Variants in TRIM64C observed in about 807,000 individuals in gnomAD.
TRIM64C encodes the protein tripartite motif containing 64C, also known as tripartite motif-containing protein 64C.
Under a neutral mutation model 36.1 loss-of-function variants are expected in TRIM64C, and 25 were observed. That is an observed-to-expected ratio of 0.69 (90% CI 0.51 to 0.97). The LOEUF (loss-of-function observed/expected upper bound fraction) is 0.97. Among genes scored for constraint, TRIM64C ranks in the 50% least tolerant of loss-of-function variants. The pLI is 0.00. For synonymous variants in TRIM64C, 212 were observed against 185.7 expected (o/e 1.14, Z -1.15); for missense variants, 489 against 536.8 (o/e 0.91, Z 0.88).
Position 49,053,899 on chromosome 11 carries a change from A to G in TRIM64C, c.1168T>C (p.Ser390Pro). The change falls in exon 6 of 6, where the codon TCC (serine) becomes CCC (proline). Residue 390 changes from serine to proline, a missense_variant. By Grantham distance (74) the Ser-to-Pro change is moderately conservative. Transcript: ENST00000617704. ...SSKTSNHYSL[S>P]TNSPPLIQYV... Reference sequence around the variant, plus strand: ...TGGATTAAAGGTGGAGAATTGGTGGAGAGACTATAGTGATTGCTCGTCTTT... The same window carrying G: ...TGGATTAAAGGTGGAGAATTGGTGGGGAGACTATAGTGATTGCTCGTCTTT... 6.4e-7 allele frequency: 1 copy of G among 1,551,736 alleles called. No individual in the cohort carries two copies. The highest frequency in any genetic ancestry group is 8.7e-7 in the Non-Finnish European group (1 of 1,146,868).
At chr11:49,058,215 G>C (rs1028221608) in intron 1 of TRIM64C, 43 bp from the exon 2 acceptor site, 1 of 1,260,704 alleles carries the variant, frequency 7.9e-7, no homozygotes, top group African/African-American at 1.5e-5. Flanking sequence ...GAAGACAGTA[G>C]ATCTTATCCC....
intron 3 of TRIM64C, among the ~76,000 whole-genome samples, chr11:49,056,821 G>T (rs781710102): frequency 1.3e-5 from 2 of 151,924 alleles, no homozygotes; most frequent in Non-Finnish European, 2.9e-5. Flanking sequence ...ACATCAGAGA[G>T]TGAGGAGGAA....
chr11:49,055,933 A>G (rs982153126), intron 4 of TRIM64C, among the ~76,000 whole-genome samples: 1 of 152,020 alleles, frequency 6.6e-6, no homozygotes, highest in African/African-American at 2.4e-5. Context: ...GTGTATGGTG[A>G]TGGAGCAAGC....
intron 5 of TRIM64C, 132 bp from the exon 6 acceptor site, chr11:49,054,339 C>A (rs1854788630): frequency 3.0e-6 from 3 of 984,300 alleles, no homozygotes; most frequent in Non-Finnish European, 4.4e-6. Flanking sequence ...CAGCCCCATG[C>A]ATCCATGAAG....
chr11:49,054,599 T>A lies in TRIM64C; in HGVS notation c.860-392A>T, dbSNP rs2204669. Among the ~76,000 whole-genome samples, 1,220 of 152,346 alleles carry A rather than the reference T, an allele frequency of 8.0e-3. 25 individuals carry two copies. The highest frequency in any genetic ancestry group is 0.028 in the African/African-American group (1,184 of 41,588). ...TGAGTATTTATTGGAATGTAAGTTA[T>A]GCCTGTTATAGTCTCAAACATCAAA... On this transcript the variant is annotated intron_variant, in intron 5 of 5. Transcript: ENST00000617704.
intron 3 of TRIM64C, 92 bp downstream of exon 3, chr11:49,057,056 G>C: frequency 1.4e-6 from 2 of 1,452,192 alleles, no homozygotes; most frequent in African/African-American, 2.8e-5. Flanking sequence ...ACTTAGCTTA[G>C]AGCAGTGACA....
chr11:49,054,066 T>C lies in TRIM64C; in HGVS notation c.1001A>G (p.Gln334Arg), dbSNP rs186998414. The change falls in exon 6 of 6, where the codon CAA (glutamine) becomes CGA (arginine). Residue 334 changes from glutamine to arginine, a missense_variant. Transcript: ENST00000617704. ...GTAATGCTTGCCGGAGGTGAATGCT[T>C]GCGCACACCACACAGCAAAGCTCTC... ...GVESFAVWCA[Q>R]AFTSGKHYWE... is the part of the protein sequence containing the mutation. 1.3e-6 allele frequency: 2 copies of C among 1,551,458 alleles called. No individual in the cohort carries two copies. The highest frequency in any genetic ancestry group is 2.4e-5 in the East Asian group (1 of 40,942).
intron 5 of TRIM64C, among the ~76,000 whole-genome samples, chr11:49,054,554 G>T (rs985064338): frequency 6.6e-6 from 1 of 152,140 alleles, no homozygotes; most frequent in Non-Finnish European, 1.5e-5. Flanking sequence ...TCAACAGGTA[G>T]ACATCAATTT....
At position 49,058,934 on chromosome 11, in the gene TRIM64C, T is replaced by A; in HGVS notation, c.179A>T (p.Glu60Val). 1 of 1,551,304 alleles carries A rather than the reference T, an allele frequency of 6.4e-7. No individual in the cohort carries two copies. The highest frequency in any genetic ancestry group is 8.7e-7 in the Non-Finnish European group (1 of 1,146,916). ...MRCPLCRKIS[E>V]KPNFNTNVAL... Reference sequence around the variant, plus strand: ...CACATTGGTGTTGAAGTTGGGCTTCTCTGAGATTTTTCTGCACAAAGGGCA... The same window carrying A: ...CACATTGGTGTTGAAGTTGGGCTTCACTGAGATTTTTCTGCACAAAGGGCA... Residue 60 changes from glutamate to valine, a missense_variant, in exon 1 of 6, where the codon GAG (glutamate) becomes GTG (valine). Physicochemically the swap from Glu to Val is moderately radical, Grantham distance 121. Coordinates refer to ENST00000617704, the MANE Select transcript of TRIM64C (RefSeq NM_001206631.1).
intron 2 of TRIM64C, chr11:49,057,685 A>G (rs1854829375): frequency 2.1e-6 from 1 of 468,512 alleles, no homozygotes. Flanking sequence ...TAATTTGCCT[A>G]AATGTTAAAA....
In TRIM64C at chr11:49,059,058, C is replaced by T. The variant is rs564699364; in HGVS notation, c.55G>A (p.Val19Met). The T allele has an allele frequency of 5.5e-4, 857 of 1,552,022 alleles. 32 individuals are homozygous for T. In the African/African-American group the frequency reaches 0.01, roughly 19 times the overall value. The change falls in exon 1 of 6, where the codon GTG becomes ATG. Residue 19 changes from valine to methionine, a missense_variant. Val to Met is a conservative substitution (Grantham distance 21). Coordinates refer to ENST00000617704, the MANE Select transcript of TRIM64C (RefSeq NM_001206631.1). ...FQNELICCIC[V>M]NYFIDPVTTD... ...GTGACCGGGTCTATGAAGTAGTTCA[C>T]GCAAATGCAGCAAATGAGCTCATTC...
chr11:49,056,055 G>T (rs1343489708), intron 4 of TRIM64C, among the ~76,000 whole-genome samples: 3 of 150,686 alleles, frequency 2.0e-5, no homozygotes, highest in Non-Finnish European at 4.4e-5. Flanking sequence ...CTCTAGAGTA[G>T]AAGACACCTC....
At chr11:49,055,444 A>G (rs1854802382) in intron 4 of TRIM64C, 37 bp from the exon 5 acceptor site, 2 of 1,533,994 alleles carry the variant, frequency 1.3e-6, no homozygotes, top group Non-Finnish European at 1.7e-6. Context: ...TATTTCCAGG[A>G]CCAGAGCTAA....
rs1854777691 is a variant in TRIM64C, at chr11:49,053,866, G to A, written c.1201C>T (p.Gln401Ter). 2 of 1,551,636 alleles carry A rather than the reference G, an allele frequency of 1.3e-6. No individual in the cohort carries two copies. The highest frequency in any genetic ancestry group is 2.7e-5 in the African/African-American group (2 of 73,030). The change falls in exon 6 of 6, where the codon CAA becomes TAA. Residue 401 changes from glutamine to a stop codon, truncating the protein, a stop_gained. Transcript: ENST00000617704. LOFTEE classifies it low-confidence loss of function (END_TRUNC). ...TNSPPLIQYVQRPLGWVGVFL... is the reference protein window; with the variant it reads ...TNSPPLIQYV Reference sequence around the variant, plus strand: ...ACCCCAACCCAACCCAGAGGCCTTTGCACATACTGGATTAAAGGTGGAGAA... The same window carrying A: ...ACCCCAACCCAACCCAGAGGCCTTTACACATACTGGATTAAAGGTGGAGAA...
Position 49,056,274 on chromosome 11 carries a change from T to A in TRIM64C, c.761+85A>T, listed in dbSNP as rs1428762388. 9 of 1,021,890 alleles carry A rather than the reference T, an allele frequency of 8.8e-6. No individual in the cohort carries two copies. The East Asian group carries it at 2.1e-4, about 24-fold the overall frequency. 63.3% of individuals were successfully genotyped at this position (1,021,890 alleles called of 1,614,324 possible). A position where few individuals can be genotyped will look rare whatever the true frequency, so the allele number is the denominator to read the frequency against. On this transcript the variant is annotated intron_variant, in intron 4 of 5. Coordinates refer to ENST00000617704, the MANE Select transcript of TRIM64C (RefSeq NM_001206631.1). ...AATCAGAAATAGCCACTGAGAATGA[T>A]GTTAGTACTCAAAATGTATACATCC...
In TRIM64C at chr11:49,058,828, A is replaced by T. The variant is rs1167075323; in HGVS notation, c.285T>A (p.His95Gln). The T allele has an allele frequency of 1.3e-6, 2 of 1,549,330 alleles. No individual in the cohort carries two copies. The highest frequency in any genetic ancestry group is 1.7e-6 in the Non-Finnish European group (2 of 1,146,856). The change falls in exon 1 of 6, where the codon CAT (histidine) becomes CAA (glutamine). Residue 95 changes from histidine (H) to glutamine (Q), a missense_variant. His to Gln is a conservative substitution (Grantham distance 24, BLOSUM62 0). Coordinates refer to ENST00000617704, the MANE Select transcript of TRIM64C (RefSeq NM_001206631.1). ...CACAGAAGAGCTCCTTAGTCTCCTC[A>T]TGGAGCACACAGATATTGTCTGAGC... ...INSSDNICVLHEETKELFCEA... is the reference protein window; with the variant it reads ...INSSDNICVLQEETKELFCEA...
In TRIM64C at chr11:49,054,052, C is replaced by T. The variant is rs1007235873; in HGVS notation, c.1015G>A (p.Gly339Ser). Residue 339 changes from glycine (G) to serine (S), a missense_variant, in exon 6 of 6, where the codon GGC (glycine) becomes AGC (serine). Coordinates refer to ENST00000617704, the MANE Select transcript of TRIM64C (RefSeq NM_001206631.1). The stretch of plus-strand genomic sequence containing the variant: ...ACATCCACTTCCCAGTAATGCTTGC[C>T]GGAGGTGAATGCTTGCGCACACCAC... Reference protein sequence around the residue: ...AVWCAQAFTSGKHYWEVDVTH... With the variant: ...AVWCAQAFTSSKHYWEVDVTH... 8.4e-5 allele frequency: 131 copies of T among 1,551,534 alleles called. No homozygotes were observed. The highest frequency in any genetic ancestry group is 1.1e-4 in the Non-Finnish European group (124 of 1,146,830).
rs1854852328 is a variant in TRIM64C at position 49,059,069 on chromosome 11, C to CA, written c.43dup (p.Cys15LeufsTer15). 6.4e-7 allele frequency: 1 copy of CA among 1,550,870 alleles called. No individual in the cohort carries two copies. Among genetic ancestry groups the CA allele is most frequent in the Non-Finnish European group, 8.7e-7 (1 of 1,147,266 alleles). On this transcript the variant is annotated frameshift_variant, in exon 1 of 6. Coordinates refer to ENST00000617704, the MANE Select transcript of TRIM64C (RefSeq NM_001206631.1). LOFTEE classifies it high-confidence loss of function. Reference sequence around the variant, plus strand: ...TATGAAGTAGTTCACGCAAATGCAGCAAATGAGCTCATTCTGGAAGACTCG... The same window carrying CA: ...TATGAAGTAGTTCACGCAAATGCAGCAAAATGAGCTCATTCTGGAAGACTCG...
Position 49,054,087 on chromosome 11 carries a change from C to T in TRIM64C, c.980G>A (p.Ser327Asn). 1 of 1,551,608 alleles carries T rather than the reference C, an allele frequency of 6.4e-7. No homozygotes were observed. The highest frequency in any genetic ancestry group is 8.7e-7 in the Non-Finnish European group (1 of 1,146,850). The change falls in exon 6 of 6, where the codon AGC becomes AAC. Residue 327 changes from serine (S) to asparagine (N), a missense_variant. Coordinates refer to ENST00000617704, the MANE Select transcript of TRIM64C (RefSeq NM_001206631.1). Reference protein sequence around the residue: ...SAPMDPQGVESFAVWCAQAFT... With the variant: ...SAPMDPQGVENFAVWCAQAFT... Reference sequence around the variant, plus strand: ...TGCTTGCGCACACCACACAGCAAAGCTCTCCACTCCTTGGGGATCCATGGG... The same window carrying T: ...TGCTTGCGCACACCACACAGCAAAGTTCTCCACTCCTTGGGGATCCATGGG...
Sources: allele counts gnomAD v4.1 joint callset (sites outside exome capture counted in the v4.1 genomes callset), GRCh38; gene constraint gnomAD v4.1.1; transcripts MANE v1.5; gene names NCBI Gene and HGNC (gene_info 2026-07-23, HGNC 2026-07-21).